The following USP43 variants were observed in gnomAD, a reference collection of about 807,000 sequenced individuals.
The protein encoded by USP43 is ubiquitin carboxyl-terminal hydrolase 43.
In USP43, 33 loss-of-function variants were observed where a neutral mutation model predicts 90.7. The observed-to-expected ratio is 0.36, with a 90% CI of 0.28 to 0.49. USP43 has a LOEUF of 0.49. USP43 is among the 20% of genes least tolerant of loss of function. The pLI, the probability that USP43 is intolerant of heterozygous loss-of-function variation, is 0.98. For missense variants in USP43, 1,274 were observed against 1,476.4 expected, an observed-to-expected ratio of 0.86 and a Z score of 2.25; for synonymous variants, 598 against 615.8, an observed-to-expected ratio of 0.97 and a Z score of 0.43.
intron 1 of USP43, among the ~76,000 whole-genome samples, chr17:9,652,868 G>A (rs766323086): frequency 1.3e-5 from 2 of 152,034 alleles, no homozygotes; most frequent in Non-Finnish European, 2.9e-5. Flanking sequence ...CTACTATTTT[G>A]CCATGTATTT....
chr17:9,688,261 A>G (rs1914712727), intron 8 of USP43, among the ~76,000 whole-genome samples: 1 of 151,480 alleles, frequency 6.6e-6, no homozygotes, highest in Admixed American at 6.6e-5. Flanking sequence ...TGCTGGGATT[A>G]CAGGTGTGAG....
intron 2 of USP43, among the ~76,000 whole-genome samples, chr17:9,658,831 C>T (rs1912442771): frequency 6.6e-6 from 1 of 152,194 alleles, no homozygotes; most frequent in African/African-American, 2.4e-5. Context: ...TTGACTATGT[C>T]TCTATCCCTT....
chr17:9,711,879 C>T (rs1007600031), intron 13 of USP43, 89 bp from the exon 14 acceptor site: 27 of 1,371,734 alleles, frequency 2.0e-5, no homozygotes, highest in South Asian at 1.9e-4. Context: ...AGGATGGGGC[C>T]GGAATGGGGA....
At chr17:9,711,936 G>A in intron 13 of USP43, 32 bp from the exon 14 acceptor site, 2 of 1,554,426 alleles carry the variant, frequency 1.3e-6, no homozygotes, top group Non-Finnish European at 1.7e-6. Context: ...CTGGGGTTGG[G>A]CTCAGCCTCC....
At chr17:9,646,332 C>T (rs1331140911) in intron 1 of USP43, among the ~76,000 whole-genome samples, 196 bp downstream of exon 1, 1 of 152,170 alleles carries the variant, frequency 6.6e-6, no homozygotes, top group Non-Finnish European at 1.5e-5. Context: ...ATTAATTCTC[C>T]TAGGTATTTT....
At position 9,685,763 on chromosome 17, in the gene USP43, A is replaced by G. The variant is rs185325090; in HGVS notation, c.1242-1035A>G. 5.6e-4 allele frequency among the ~76,000 whole-genome samples: 85 copies of G among 152,362 alleles called. 1 individual carries two copies. The highest frequency in any genetic ancestry group is 1.7e-3 in the African/African-American group (71 of 41,586). Reference sequence around the variant, plus strand: ...GTACATAGTGTGTAATGATCAAATCAGGGTAATTGGCATAACCGTCACCTC... The same window carrying G: ...GTACATAGTGTGTAATGATCAAATCGGGGTAATTGGCATAACCGTCACCTC... On this transcript the variant is annotated intron_variant, in intron 7 of 14. Coordinates refer to ENST00000285199, the MANE Select transcript of USP43 (RefSeq NM_153210.5).
intron 3 of USP43, among the ~76,000 whole-genome samples, chr17:9,667,382 AC>A (rs1913104859): frequency 6.6e-6 from 1 of 152,090 alleles, no homozygotes; most frequent in African/African-American, 2.4e-5. Context: ...ACAGAGTGAA[AC>A]CCTATCTCAA....
At chr17:9,702,493 G>C (rs749360418) in intron 12 of USP43, among the ~76,000 whole-genome samples, 1 of 150,792 alleles carries the variant, frequency 6.6e-6, no homozygotes, top group African/African-American at 2.5e-5. Context: ...TATCGGATTT[G>C]GTATCCTTTT....
chr17:9,674,502 T>C lies in USP43; in HGVS notation c.741-389T>C, dbSNP rs1354712166. 1.3e-5 allele frequency among the ~76,000 whole-genome samples: 2 copies of C among 152,204 alleles called. No individual in the cohort carries two copies. Among genetic ancestry groups the C allele is most frequent in the African/African-American group, 4.8e-5 (2 of 41,462 alleles). On this transcript the variant is annotated intron_variant, in intron 3 of 14. Transcript: ENST00000285199. The surrounding 1 kb of genome is among the most constrained non-coding windows in gnomAD (Gnocchi z 4.4). ...GGCATTACCTGTTCTGGATACTTCA[T>C]ATAAACGGGATCGTACAATATGTGG...
chr17:9,678,565 C>T lies in USP43; in HGVS notation c.970-1666C>T, dbSNP rs185659733. 4.8e-3 allele frequency among the ~76,000 whole-genome samples: 735 copies of T among 152,174 alleles called. 2 individuals are homozygous for T. Among genetic ancestry groups the T allele is most frequent in the Non-Finnish European group, 7.9e-3 (539 of 68,018 alleles). ...CCATGTTGGCCAGGATGATCTCGAT[C>T]TCTTGACCTTGTGATCTGCCCGCCT... On this transcript the variant is annotated intron_variant, in intron 5 of 14. Transcript: ENST00000285199.
At chr17:9,645,466 G>A (rs1911296111), upstream of USP43, 4 of 575,612 alleles carry the variant, frequency 6.9e-6, no homozygotes, top group South Asian at 1.7e-4. The surrounding 1 kb of genome is among the most constrained non-coding windows in gnomAD (Gnocchi z 6.8). Context: ...CCGGATTCCC[G>A]CGCGGGGCGG....
rs148536442 is a variant in USP43, at chr17:9,670,039, C to CTT, written c.740+3304_740+3305dup. Among the ~76,000 whole-genome samples the CTT allele has an allele frequency of 3.3e-4, 43 of 131,528 alleles. 1 individual carries two copies. Among genetic ancestry groups the CTT allele is most frequent in the East Asian group, 6.6e-4 (3 of 4,524 alleles). The allele number at this position is 131,528 out of a possible 152,430, so 86.3% of individuals were successfully genotyped here. A position where few individuals can be genotyped will look rare whatever the true frequency, so the allele number is the denominator to read the frequency against. On this transcript the variant is annotated intron_variant, in intron 3 of 14. Coordinates refer to ENST00000285199, the MANE Select transcript of USP43 (RefSeq NM_153210.5). ...AGTTCATTAGTTTCAGAGGTGACTG[C>CTT]TTTTTTTTTTTTTTTTTGAGACGGA... is the stretch of plus-strand genomic sequence containing the variant.
chr17:9,648,642 G>A (rs990229046), intron 1 of USP43, among the ~76,000 whole-genome samples: 1 of 152,094 alleles, frequency 6.6e-6, no homozygotes, highest in Non-Finnish European at 1.5e-5. Context: ...AGGATTAGGT[G>A]TCAATGAAGG....
At chr17:9,684,396 A>G (rs377387305) in intron 7 of USP43, among the ~76,000 whole-genome samples, 1 of 152,168 alleles carries the variant, frequency 6.6e-6, no homozygotes, top group African/African-American at 2.4e-5. Flanking sequence ...AAAATTAAGG[A>G]GATAAATACC....
chr17:9,708,598 G>A (rs1916015859), intron 12 of USP43, among the ~76,000 whole-genome samples: 1 of 152,158 alleles, frequency 6.6e-6, no homozygotes, highest in Admixed American at 6.5e-5. Context: ...GTGGCCCACG[G>A]GCCGGATCCA....
At chr17:9,689,319 T>A (rs191443945) in intron 8 of USP43, among the ~76,000 whole-genome samples, 91 of 152,296 alleles carry the variant, frequency 6.0e-4, no homozygotes, top group African/African-American at 2.1e-3. Flanking sequence ...TAGCCAAGAA[T>A]TGAGAACAGG....
intron 2 of USP43, among the ~76,000 whole-genome samples, chr17:9,664,273 C>G (rs1597824407): frequency 6.6e-6 from 1 of 152,184 alleles, no homozygotes; most frequent in East Asian, 1.9e-4. Context: ...CCATCTGTCT[C>G]TCTATCCACT....
chr17:9,695,196 C>G (rs1477695955), intron 9 of USP43, among the ~76,000 whole-genome samples: 1 of 151,204 alleles, frequency 6.6e-6, no homozygotes, highest in African/African-American at 2.4e-5. Context: ...GTACAGCTCT[C>G]TCTGGCATCT....
intron 12 of USP43, among the ~76,000 whole-genome samples, chr17:9,702,468 G>T (rs574788756): frequency 6.6e-6 from 1 of 152,144 alleles, no homozygotes. Context: ...GTGATTCAGC[G>T]TGAGGAATCT....
Sources: allele counts gnomAD v4.1 joint callset (sites outside exome capture counted in the v4.1 genomes callset), GRCh38; gene constraint gnomAD v4.1.1; non-coding constraint Gnocchi (gnomAD v3.1); transcripts MANE v1.5; gene names NCBI Gene and HGNC (gene_info 2026-07-23, HGNC 2026-07-21).